The following MMD variants were observed in gnomAD, a reference collection of about 807,000 sequenced individuals.
The protein encoded by MMD is monocyte to macrophage differentiation associated.
In MMD, 22 loss-of-function variants were observed where a neutral mutation model predicts 33.6. The ratio of observed to expected loss-of-function variants is 0.66; its 90% confidence interval spans 0.47 to 0.94. MMD has a LOEUF of 0.94. Ranked by LOEUF, MMD falls within the 40% of genes least tolerant of loss-of-function variation. The probability of loss-of-function intolerance (pLI) is 0.00; values close to 1 mark genes in which losing one functional copy is unlikely to be tolerated. For synonymous variants in MMD, 97 were observed against 103.2 expected (o/e 0.94, Z 0.36); for missense variants, 242 against 309.8 (o/e 0.78, Z 1.64).
chr17:55,400,653 C>T (rs142306911), intron 6 of MMD, among the ~76,000 whole-genome samples: 3 of 151,600 alleles, frequency 2.0e-5, no homozygotes, highest in Non-Finnish European at 4.4e-5. Context: ...AGGGTTCAAA[C>T]GAAACACCTT....
At chr17:55,409,878 C>T (rs1315193256) in intron 3 of MMD, among the ~76,000 whole-genome samples, 1 of 152,220 alleles carries the variant, frequency 6.6e-6, no homozygotes, top group Admixed American at 6.5e-5. Context: ...TGCATCTAAA[C>T]TGGCCTCTGG....
chr17:55,414,348 C>T (rs1007813216), intron 1 of MMD, 116 bp from the exon 2 acceptor site: 33 of 945,862 alleles, frequency 3.5e-5, no homozygotes, highest in Non-Finnish European at 5.3e-5. Flanking sequence ...GGTGGAAATA[C>T]CCAGTTGCGG....
chr17:55,399,922 G>A (rs1185397885), intron 6 of MMD, among the ~76,000 whole-genome samples: 1 of 152,094 alleles, frequency 6.6e-6, no homozygotes, highest in Non-Finnish European at 1.5e-5. Flanking sequence ...TACCCAGAGG[G>A]AATTTGCTTG....
chr17:55,404,365 A>T, intron 4 of MMD: 7 of 712,778 alleles, frequency 9.8e-6, no homozygotes, highest in Non-Finnish European at 8.6e-6. Flanking sequence ...AAAAAAAAAA[A>T]GAATTAGTTT....
chr17:55,403,940 A>G (rs1907443107), intron 4 of MMD, 72 bp from the exon 5 acceptor site: 2 of 1,188,162 alleles, frequency 1.7e-6, no homozygotes, highest in African/African-American at 1.5e-5. Context: ...TGTGTCATTG[A>G]AAACTGAGAA....
At chr17:55,407,901 T>C (rs1907618523) in intron 3 of MMD, 81 bp from the exon 4 acceptor site, 2 of 965,326 alleles carry the variant, frequency 2.1e-6, no homozygotes, top group Non-Finnish European at 3.0e-6. Flanking sequence ...TATGTTGCAA[T>C]TTCCATTCTT....
chr17:55,396,916 G>T (rs1907122990), intron 6 of MMD, among the ~76,000 whole-genome samples: 1 of 152,000 alleles, frequency 6.6e-6, no homozygotes, highest in Non-Finnish European at 1.5e-5. Flanking sequence ...CGCCTGGCCA[G>T]TGGTGGTTAT....
rs1358420267 is a variant in MMD at position 55,393,483 on chromosome 17, A to G, written c.*851T>C. ...TCACAACAATACTGTCATAATACAG[A>G]AAAAACATTTATCCACTGTGGAAAG... On this transcript the variant is annotated 3_prime_UTR_variant, in exon 7 of 7. Transcript: ENST00000262065. 6.6e-6 allele frequency: 1 copy of G among 152,494 alleles called. No homozygotes were observed. The highest frequency in any genetic ancestry group is 1.5e-5 in the Non-Finnish European group (1 of 67,978). 9.4% of individuals were successfully genotyped at this position (152,494 alleles called of 1,614,324 possible).
At chr17:55,402,087 CAAA>C (rs55724383) in intron 5 of MMD, among the ~76,000 whole-genome samples, 6 of 92,034 alleles carry the variant, frequency 6.5e-5, no homozygotes, top group Admixed American at 1.3e-4. Flanking sequence ...GACTCAGTCT[CAAA>C]AAAAAAAAAA....
chr17:55,421,066 G>T (rs1598437652), intron 1 of MMD, among the ~76,000 whole-genome samples: 2 of 152,190 alleles, frequency 1.3e-5, no homozygotes, highest in South Asian at 4.1e-4. Flanking sequence ...GCCCTGGGAC[G>T]TTCAGCTGGA....
intron 2 of MMD, among the ~76,000 whole-genome samples, chr17:55,411,693 TG>T (rs1035183699): frequency 3.9e-4 from 55 of 141,050 alleles, no homozygotes; most frequent in African/African-American, 1.1e-3. Flanking sequence ...GCAAAACAGA[TG>T]GTTTTTTTTT....
At position 55,402,134 on chromosome 17, in the gene MMD, G is replaced by C. The variant is rs77070199; in HGVS notation, c.447-596C>G. On this transcript the variant is annotated intron_variant, in intron 5 of 6. Coordinates refer to ENST00000262065, the MANE Select transcript of MMD (RefSeq NM_012329.3). The stretch of plus-strand genomic sequence containing the variant: ...AGAAAAAAAAAAGAAAATGTTTTCT[G>C]CCAAAAGTAGTTATCGTTTAACCCA... Among the ~76,000 whole-genome samples the C allele has an allele frequency of 4.0e-3, 600 of 149,022 alleles. 6 individuals carry two copies. Among genetic ancestry groups the C allele is most frequent in the African/African-American group, 0.014 (582 of 40,578 alleles).
intron 6 of MMD, among the ~76,000 whole-genome samples, chr17:55,397,648 C>T (rs1157857495): frequency 6.6e-6 from 1 of 152,082 alleles, no homozygotes; most frequent in African/African-American, 2.4e-5. Flanking sequence ...GATTTTCCTG[C>T]CTCAGCCTCA....
intron 5 of MMD, among the ~76,000 whole-genome samples, chr17:55,402,460 C>T (rs1598430710): frequency 6.6e-6 from 1 of 152,164 alleles, no homozygotes; most frequent in African/African-American, 2.4e-5. Flanking sequence ...TCAAACCAGA[C>T]GATAAGCTCC....
At chr17:55,398,111 C>CA (rs57881926) in intron 6 of MMD, among the ~76,000 whole-genome samples, 41,771 of 131,474 alleles carry the variant, frequency 0.32, 6,875 homozygotes, top group East Asian at 0.42. Context: ...ATTATTTCTT[C>CA]AAAAAAAAAA....
chr17:55,417,472 C>A lies in MMD; in HGVS notation c.27-3240G>T, dbSNP rs906251026. Among the ~76,000 whole-genome samples, 6 of 152,172 alleles carry A rather than the reference C, an allele frequency of 3.9e-5. No homozygotes were observed. In the East Asian group the frequency reaches 1.2e-3, roughly 29 times the overall value. On this transcript the variant is annotated intron_variant, in intron 1 of 6. Transcript: ENST00000262065. ...GACCCAGTACAGACTCTCTTCTTTA[C>A]ATAGCAGCTACAGTTTTCCATTAGA...
At chr17:55,396,258 A>G (rs975601042) in intron 6 of MMD, among the ~76,000 whole-genome samples, 6 of 152,132 alleles carry the variant, frequency 3.9e-5, no homozygotes, top group Non-Finnish European at 5.9e-5. Flanking sequence ...AGCACTTCAT[A>G]TATTTATTCA....
At chr17:55,410,569 G>C (rs1028459390) in intron 3 of MMD, among the ~76,000 whole-genome samples, 18 of 152,194 alleles carry the variant, frequency 1.2e-4, no homozygotes, top group African/African-American at 4.3e-4. Context: ...AAGAGCTATA[G>C]TATTGTTTTG....
At chr17:55,399,676 C>T (rs1007712722) in intron 6 of MMD, among the ~76,000 whole-genome samples, 2 of 152,158 alleles carry the variant, frequency 1.3e-5, no homozygotes, top group Non-Finnish European at 2.9e-5. Flanking sequence ...GTACTTCTGT[C>T]ATGTTCGCAT....
Sources: gnomAD v4.1 joint callset for allele counts (sites outside exome capture counted in the v4.1 genomes callset) on GRCh38, gnomAD v4.1.1 for gene constraint, MANE v1.5 for transcripts, NCBI Gene and HGNC (gene_info 2026-07-23, HGNC 2026-07-21) for gene names.